Variants in PDE4B observed in about 807,000 individuals in gnomAD.
PDE4B encodes phosphodiesterase 4B.
Under a neutral mutation model 82.2 loss-of-function variants are expected in PDE4B, and 20 were observed. The observed-to-expected ratio is 0.24, with a 90% CI of 0.17 to 0.35. The LOEUF is 0.35. Among genes scored for constraint, PDE4B ranks in the 10% least tolerant of loss-of-function variants. The pLI, the probability that PDE4B is intolerant of heterozygous loss-of-function variation, is 1.00. For missense variants in PDE4B, 655 were observed against 907.2 expected (o/e 0.72, Z 3.57); for synonymous variants, 320 against 318.9 (o/e 1.00, Z -0.04).
intron 3 of PDE4B, among the ~76,000 whole-genome samples, chr1:66,022,402 C>T (rs1318576927): frequency 6.6e-6 from 1 of 152,160 alleles, no homozygotes; most frequent in Non-Finnish European, 1.5e-5. Flanking sequence ...AAAGGGAATG[C>T]TTCCAGTTTG....
chr1:66,274,370 A>G (rs781196305), intron 7 of PDE4B, among the ~76,000 whole-genome samples: 17 of 150,906 alleles, frequency 1.1e-4, no homozygotes, highest in Non-Finnish European at 2.1e-4. Context: ...AAGGAGTTTC[A>G]CCATGTTGGT....
At chr1:66,144,838 T>A (rs1646238978) in intron 3 of PDE4B, among the ~76,000 whole-genome samples, 1 of 152,164 alleles carries the variant, frequency 6.6e-6, no homozygotes, top group Non-Finnish European at 1.5e-5. Context: ...GAAAATGAAT[T>A]GAGTAACTGG....
chr1:66,036,633 G>A (rs1200092823), intron 3 of PDE4B, among the ~76,000 whole-genome samples: 2 of 152,096 alleles, frequency 1.3e-5, no homozygotes, highest in Admixed American at 1.3e-4. Flanking sequence ...GACTATTGAT[G>A]TGTGGGTTTA....
intron 3 of PDE4B, among the ~76,000 whole-genome samples, chr1:66,211,950 C>T (rs1233593198): frequency 6.6e-6 from 1 of 152,200 alleles, no homozygotes; most frequent in Non-Finnish European, 1.5e-5. Flanking sequence ...GAATGCATTT[C>T]ACAAACAGAG....
chr1:65,987,295 C>G (rs1434842840), intron 3 of PDE4B, among the ~76,000 whole-genome samples: 1 of 151,930 alleles, frequency 6.6e-6, no homozygotes, highest in African/African-American at 2.4e-5. Context: ...TTCTGAAGCA[C>G]CATTTTCCTA....
In PDE4B at chr1:66,141,327, A is replaced by AATATATAT. The variant is rs71058454; in HGVS notation, c.282-106100_282-106093dup. ...AGCAGTGCAGATAGAAAGCTTTGAGAATATATATATATATATATATATATA... is the reference window on the plus strand; with the variant it reads ...AGCAGTGCAGATAGAAAGCTTTGAGAATATATATATATATATATATATATATATATATA... On this transcript the variant is annotated intron_variant, in intron 3 of 16. Transcript: ENST00000341517. 1.2e-3 allele frequency among the ~76,000 whole-genome samples: 108 copies of AATATATAT among 91,404 alleles called. 2 individuals carry two copies. Among genetic ancestry groups the AATATATAT allele is most frequent in the South Asian group, 1.9e-3 (5 of 2,644 alleles). 60.0% of individuals were successfully genotyped at this position (91,404 alleles called of 152,430 possible).
intron 3 of PDE4B, among the ~76,000 whole-genome samples, chr1:66,228,439 A>ATTTT (rs1651641445): frequency 6.6e-6 from 1 of 152,238 alleles, no homozygotes; most frequent in South Asian, 2.1e-4. Flanking sequence ...CCTGGCTAAC[A>ATTTT]CAGTGAAACC....
intron 1 of PDE4B, among the ~76,000 whole-genome samples, chr1:65,819,377 G>A (rs1645924269): frequency 6.6e-6 from 1 of 152,148 alleles, no homozygotes; most frequent in Admixed American, 6.5e-5. Context: ...TTGTAGGAGT[G>A]CCGGAACTGT....
At chr1:66,127,533 A>G (rs1570298837) in intron 3 of PDE4B, among the ~76,000 whole-genome samples, 1 of 152,172 alleles carries the variant, frequency 6.6e-6, no homozygotes, top group African/African-American at 2.4e-5. Context: ...AATAAAATAT[A>G]TGATTTAGTT....
intron 7 of PDE4B, among the ~76,000 whole-genome samples, chr1:66,292,292 A>G (rs486136): frequency 0.5 from 75,977 of 152,048 alleles, 19,788 homozygotes; most frequent in Non-Finnish European, 0.56. Flanking sequence ...TCTATTTCAT[A>G]TGTAACACAT....
chr1:65,849,653 G>T (rs1646307666), intron 1 of PDE4B, among the ~76,000 whole-genome samples: 2 of 152,110 alleles, frequency 1.3e-5, no homozygotes, highest in South Asian at 4.1e-4. Flanking sequence ...GAATGCCAAG[G>T]GAAGCTGGCC....
At chr1:66,148,643 C>T (rs903989102) in intron 3 of PDE4B, among the ~76,000 whole-genome samples, 3 of 152,172 alleles carry the variant, frequency 2.0e-5, no homozygotes, top group Non-Finnish European at 4.4e-5. Context: ...AACATTCACT[C>T]TCCATGAGCA....
At chr1:66,287,018 A>G (rs1656724834) in intron 7 of PDE4B, among the ~76,000 whole-genome samples, 1 of 152,172 alleles carries the variant, frequency 6.6e-6, no homozygotes, top group Non-Finnish European at 1.5e-5. Flanking sequence ...TCAAAATGCC[A>G]TTATTAGACA....
chr1:65,847,284 T>G (rs1421864123), intron 1 of PDE4B, among the ~76,000 whole-genome samples: 2 of 152,214 alleles, frequency 1.3e-5, no homozygotes, highest in African/African-American at 4.8e-5. Flanking sequence ...GAGGGAACTG[T>G]GGCATAGGGA....
intron 3 of PDE4B, among the ~76,000 whole-genome samples, chr1:66,138,162 A>G (rs1277321779): frequency 6.6e-6 from 1 of 152,228 alleles, no homozygotes; most frequent in East Asian, 1.9e-4. Context: ...TTGGGAAAGC[A>G]AAAGGAAAAC....
chr1:65,996,577 T>G (rs1256264885), intron 3 of PDE4B, among the ~76,000 whole-genome samples: 2 of 152,182 alleles, frequency 1.3e-5, no homozygotes, highest in Non-Finnish European at 2.9e-5. Flanking sequence ...TGTTATCCCA[T>G]TTAAGTTTCA....
rs893143970 is a variant in PDE4B at position 65,937,959 on chromosome 1, A to T, written c.281+19124A>T. Among the ~76,000 whole-genome samples, 10 of 152,336 alleles carry T rather than the reference A, an allele frequency of 6.6e-5. No individual in the cohort carries two copies. In the East Asian group the frequency reaches 1.7e-3, roughly 26 times the overall value. ...CCCTACTTTATTTAAACTCAACTCC[A>T]TAAGAACCTTGTGAGATGGGCATTA... On this transcript the variant is annotated intron_variant, in intron 3 of 16. Transcript: ENST00000341517.
chr1:66,123,980 G>A (rs1203556863), intron 3 of PDE4B, among the ~76,000 whole-genome samples: 1 of 152,178 alleles, frequency 6.6e-6, no homozygotes, highest in Non-Finnish European at 1.5e-5. Flanking sequence ...TATACAAAGT[G>A]ATTAATGAGA....
At chr1:65,928,849 A>C (rs1485410329) in intron 3 of PDE4B, among the ~76,000 whole-genome samples, 1 of 152,194 alleles carries the variant, frequency 6.6e-6, no homozygotes, top group East Asian at 1.9e-4. Context: ...CAGCTAACCA[A>C]GCAAATAAAC....
Sources: gnomAD v4.1 joint callset for allele counts (sites outside exome capture counted in the v4.1 genomes callset) on GRCh38, gnomAD v4.1.1 for gene constraint, MANE v1.5 for transcripts, NCBI Gene and HGNC (gene_info 2026-07-23, HGNC 2026-07-21) for gene names.